Variants in MAPK4 observed in about 807,000 individuals in gnomAD.
MAPK4 encodes the protein Erk3-related.
In MAPK4, 22 loss-of-function variants were observed where a neutral mutation model predicts 47.7. The ratio of observed to expected loss-of-function variants is 0.46; its 90% CI spans 0.33 to 0.66. MAPK4 has a LOEUF of 0.66. Among genes scored for constraint, MAPK4 ranks in the 30% least tolerant of loss-of-function variants. MAPK4 has a pLI of 0.02. For synonymous variants in MAPK4, 390 were observed against 365.7 expected (o/e 1.07, Z -0.76); for missense variants, 736 against 831.7 (o/e 0.88, Z 1.42).
chr18:50,620,991 G>T (rs2042726998), intron 1 of MAPK4, among the ~76,000 whole-genome samples: 1 of 152,080 alleles, frequency 6.6e-6, no homozygotes, highest in South Asian at 2.1e-4. Context: ...CAGGGCCCTT[G>T]AATGCTATTA....
rs1324691875 is a variant in MAPK4, at chr18:50,667,129, T to C, written c.546+2625T>C. Among the ~76,000 whole-genome samples the C allele has an allele frequency of 2.6e-5, 4 of 152,176 alleles. No homozygotes were observed. In the East Asian group the frequency reaches 5.8e-4, roughly 22 times the overall value. On this transcript the variant is annotated intron_variant, in intron 2 of 5. Transcript: ENST00000400384. ...TCCTTTCTCTGAATTCCCATGGCAC[T>C]TTCCCCATCCCATCATGGGTATCTT... is the stretch of plus-strand genomic sequence containing the variant.
Position 50,589,502 on chromosome 18 carries a change from AG to A in MAPK4, c.-871+29261del, listed in dbSNP as rs1209784077. 2.0e-5 allele frequency among the ~76,000 whole-genome samples: 3 copies of A among 151,374 alleles called. No homozygotes were observed. In the East Asian group the frequency reaches 5.9e-4, roughly 30 times the overall value. ...TCCCAGCTACTCGGGAGGCTGAGGCAGGAGAATGGCGGGAACCCGGGAGGCG... is the reference window on the plus strand; with the variant it reads ...TCCCAGCTACTCGGGAGGCTGAGGCAGAGAATGGCGGGAACCCGGGAGGCG... On this transcript the variant is annotated intron_variant, in intron 1 of 5. Transcript: ENST00000400384.
intron 1 of MAPK4, among the ~76,000 whole-genome samples, chr18:50,574,025 C>G (rs1037530955): frequency 6.6e-6 from 1 of 152,198 alleles, no homozygotes; most frequent in African/African-American, 2.4e-5. Context: ...GAAGCCACTT[C>G]TGATTCCACA....
At chr18:50,648,597 A>G (rs1215596672) in intron 1 of MAPK4, among the ~76,000 whole-genome samples, 1 of 152,216 alleles carries the variant, frequency 6.6e-6, no homozygotes, top group Non-Finnish European at 1.5e-5. Flanking sequence ...CAGATCCTAC[A>G]GTGCTCTCTG....
chr18:50,574,175 T>C (rs372803684), intron 1 of MAPK4, among the ~76,000 whole-genome samples: 3 of 152,372 alleles, frequency 2.0e-5, no homozygotes. Context: ...GTTAGATGAT[T>C]GTTTTCCTCA....
chr18:50,726,662 C>T (rs540790852), intron 5 of MAPK4, among the ~76,000 whole-genome samples: 48 of 152,152 alleles, frequency 3.2e-4, no homozygotes, highest in African/African-American at 1.1e-3. Context: ...CTTTAGGAGG[C>T]CAAGGTGGGA....
rs1042753382 is a variant in MAPK4 at position 50,663,987 on chromosome 18, G to A, written c.29G>A (p.Ser10Asn). 3.1e-6 allele frequency: 5 copies of A among 1,613,394 alleles called. No homozygotes were observed. The African/African-American group carries it at 5.3e-5, about 17-fold the overall frequency. The change falls in exon 2 of 6, where the codon AGT becomes AAT. Residue 10 changes from serine (S) to asparagine (N), a missense_variant. Ser to Asn is a conservative substitution (Grantham distance 46). This residue lies in a region of MAPK4 where 327 missense variants were observed against 395.4 expected (regional missense o/e 0.83). Coordinates refer to ENST00000400384, the MANE Select transcript of MAPK4 (RefSeq NM_002747.4). Reference sequence around the variant, plus strand: ...GCTGAGAAGGGTGACTGCATCGCCAGTGTCTATGGGTATGACCTCGGTGGG... The same window carrying A: ...GCTGAGAAGGGTGACTGCATCGCCAATGTCTATGGGTATGACCTCGGTGGG... MAEKGDCIASVYGYDLGGRF... is the reference protein window; with the variant it reads MAEKGDCIANVYGYDLGGRF...
chr18:50,574,511 A>G (rs1026376348), intron 1 of MAPK4, among the ~76,000 whole-genome samples: 7 of 152,218 alleles, frequency 4.6e-5, no homozygotes, highest in Non-Finnish European at 1.0e-4. Flanking sequence ...TAGAGGTGAC[A>G]TGGTATACAG....
intron 2 of MAPK4, among the ~76,000 whole-genome samples, chr18:50,682,459 G>A (rs1908642238): frequency 6.6e-6 from 1 of 152,040 alleles, no homozygotes; most frequent in African/African-American, 2.4e-5. Context: ...TATTGTGATA[G>A]CAAAACATGA....
intron 1 of MAPK4, among the ~76,000 whole-genome samples, chr18:50,624,631 GT>G (rs1315044334): frequency 2.6e-5 from 4 of 152,088 alleles, no homozygotes; most frequent in African/African-American, 9.7e-5. Flanking sequence ...ATTCCATTTT[GT>G]TTTTCTTTTC....
At chr18:50,644,639 CATTT>C (rs1285817253) in intron 1 of MAPK4, among the ~76,000 whole-genome samples, 3 of 152,110 alleles carry the variant, frequency 2.0e-5, no homozygotes, top group Non-Finnish European at 4.4e-5. Context: ...TGATGCCTAA[CATTT>C]ATAACCAGGA....
Position 50,729,232 on chromosome 18 carries a change from A to T in MAPK4, c.1142A>T (p.Asp381Val). 6.2e-7 allele frequency: 1 copy of T among 1,607,790 alleles called. No homozygotes were observed. Among genetic ancestry groups the T allele is most frequent in the Non-Finnish European group, 8.5e-7 (1 of 1,176,072 alleles). ...CAGGACGCCAGCGAGGTACAGCGCG[A>T]CCCGCGCGCGGGTTCGGCGCCACTG... is the stretch of plus-strand genomic sequence containing the variant. Reference protein sequence around the residue: ...RCQDASEVQRDPRAGSAPLAE... With the variant: ...RCQDASEVQRVPRAGSAPLAE... Residue 381 changes from aspartate (D) to valine (V), a missense_variant, in exon 6 of 6, where the codon GAC becomes GTC. Asp to Val is a radical substitution (Grantham distance 152). This residue lies in a region of MAPK4 where 377 missense variants were observed against 378.6 expected (regional missense o/e 1.00). Transcript: ENST00000400384.
chr18:50,605,740 G>T (rs1004502757), intron 1 of MAPK4, among the ~76,000 whole-genome samples: 1 of 152,114 alleles, frequency 6.6e-6, no homozygotes, highest in African/African-American at 2.4e-5. Context: ...CTCCTTCCGG[G>T]GCAGGCCTTC....
chr18:50,657,564 G>A (rs543889762), intron 1 of MAPK4, among the ~76,000 whole-genome samples: 1 of 152,264 alleles, frequency 6.6e-6, no homozygotes, highest in African/African-American at 2.4e-5. Flanking sequence ...CCTTGAGTCC[G>A]AGGCACCCAG....
chr18:50,726,123 C>T lies in MAPK4; in HGVS notation c.1015C>T (p.Leu339=). 6.2e-7 allele frequency: 1 copy of T among 1,614,218 alleles called. No individual in the cohort carries two copies. The highest frequency in any genetic ancestry group is 8.5e-7 in the Non-Finnish European group (1 of 1,180,044). Residue 339 remains leucine, a synonymous_variant, in exon 5 of 6, where the codon CTG becomes TTG. Transcript: ENST00000400384. Reference sequence around the variant, plus strand: ...TGAGGATGAGATCGACGACATCGTGCTGATGGCCGCTAACCAGAGCCAGCT... The same window carrying T: ...TGAGGATGAGATCGACGACATCGTGTTGATGGCCGCTAACCAGAGCCAGCT... ...RIEDEIDDIV[L]MAANQSQLSN...
At chr18:50,653,927 T>C (rs145691731) in intron 1 of MAPK4, among the ~76,000 whole-genome samples, 6 of 152,188 alleles carry the variant, frequency 3.9e-5, no homozygotes, top group Non-Finnish European at 8.8e-5. Flanking sequence ...CCGATGCACA[T>C]GGGCTCCGAC....
At chr18:50,712,465 T>C (rs1430301124) in intron 2 of MAPK4, among the ~76,000 whole-genome samples, 1 of 151,934 alleles carries the variant, frequency 6.6e-6, no homozygotes, top group African/African-American at 2.4e-5. Context: ...CCACTTTATG[T>C]TTTTTTAAAG....
intron 3 of MAPK4, among the ~76,000 whole-genome samples, chr18:50,717,427 T>C (rs866392609): frequency 6.6e-6 from 1 of 152,080 alleles, no homozygotes; most frequent in South Asian, 2.1e-4. Context: ...CCAGCACTCA[T>C]GGCCTGCATT....
chr18:50,686,177 A>T (rs1423607610), intron 2 of MAPK4, among the ~76,000 whole-genome samples: 2 of 152,212 alleles, frequency 1.3e-5, no homozygotes, highest in Non-Finnish European at 2.9e-5. Context: ...AACCTTCTGC[A>T]GACCAAGCTG....
Sources: gnomAD v4.1 joint callset for allele counts (sites outside exome capture counted in the v4.1 genomes callset) on GRCh38, gnomAD v4.1.1 for gene constraint, gnomAD v4.1.1 regional missense constraint, MANE v1.5 for transcripts, NCBI Gene and HGNC (gene_info 2026-07-23, HGNC 2026-07-21) for gene names.